SH3D19: variants seen among roughly 807,000 people sequenced by gnomAD.
The protein encoded by SH3D19 is SH3 domain containing 19, also known as SH3 domain-containing protein 19.
Under a neutral mutation model 112.1 loss-of-function variants are expected in SH3D19, and 58 were observed. The ratio of observed to expected loss-of-function variants is 0.52; its 90% CI spans 0.42 to 0.64. The LOEUF is 0.64. Ranked by LOEUF, SH3D19 falls within the 30% of genes least tolerant of loss-of-function variation. The probability of loss-of-function intolerance (pLI) is 0.00; values close to 1 mark genes in which losing one functional copy is unlikely to be tolerated. For missense variants in SH3D19, 1,090 were observed against 1,263.4 expected, an observed-to-expected ratio of 0.86 and a Z score of 2.08; for synonymous variants, 391 against 448.5, an observed-to-expected ratio of 0.87 and a Z score of 1.62.
intron 2 of SH3D19, among the ~76,000 whole-genome samples, chr4:151,203,041 G>A (rs1368159844): frequency 6.6e-6 from 1 of 152,148 alleles, no homozygotes; most frequent in Non-Finnish European, 1.5e-5. Context: ...AGACAAACGA[G>A]GAAAGAGAAA....
chr4:151,269,617 A>G (rs1240655221), intron 1 of SH3D19, among the ~76,000 whole-genome samples: 2 of 151,970 alleles, frequency 1.3e-5, no homozygotes, highest in Admixed American at 1.3e-4. Context: ...TGTATTTTTA[A>G]AAGTTTTCTT....
At chr4:151,210,396 T>C (rs1765774005) in intron 2 of SH3D19, among the ~76,000 whole-genome samples, 1 of 149,050 alleles carries the variant, frequency 6.7e-6, no homozygotes, top group South Asian at 2.1e-4. Flanking sequence ...ATATATATCA[T>C]CCCAATTTTT....
chr4:151,300,061 C>T lies in SH3D19; in HGVS notation c.112+25180G>A, dbSNP rs1728225602. On this transcript the variant is annotated intron_variant, in intron 1 of 19. Transcript: ENST00000604030. ...TACTAAAAATACAAAATTAGCCAGG[C>T]GTGGTGGTGCATGCCTGTAATCCCA... 4.6e-5 allele frequency among the ~76,000 whole-genome samples: 7 copies of T among 152,066 alleles called. No homozygotes were observed. The South Asian group carries it at 8.3e-4, about 18-fold the overall frequency.
intron 9 of SH3D19, among the ~76,000 whole-genome samples, chr4:151,150,290 TACATATATATATACACAC>T (rs1463558772): frequency 7.3e-6 from 1 of 137,334 alleles, no homozygotes; most frequent in Admixed American, 7.7e-5. Flanking sequence ...CACATATATA[TACATATATATATACACAC>T]ACATATATAT....
At chr4:151,216,062 C>T (rs997305009) in intron 2 of SH3D19, among the ~76,000 whole-genome samples, 5 of 152,160 alleles carry the variant, frequency 3.3e-5, no homozygotes, top group Non-Finnish European at 7.4e-5. Flanking sequence ...AACTCCTGAC[C>T]TCGTGATCTG....
intron 1 of SH3D19, among the ~76,000 whole-genome samples, chr4:151,315,290 G>C (rs1729881033): frequency 6.6e-6 from 1 of 152,076 alleles, no homozygotes. Flanking sequence ...GAATTGTCTC[G>C]GCACCCAGTG....
chr4:151,170,080 C>T (rs550189319), intron 7 of SH3D19, among the ~76,000 whole-genome samples: 4 of 152,192 alleles, frequency 2.6e-5, no homozygotes, highest in South Asian at 2.1e-4. Context: ...TAACAGGTAT[C>T]GTATGGTAAA....
At chr4:151,244,254 T>A (rs1003481414) in intron 1 of SH3D19, among the ~76,000 whole-genome samples, 1 of 152,066 alleles carries the variant, frequency 6.6e-6, no homozygotes, top group African/African-American at 2.4e-5. Flanking sequence ...CAACCCTGCT[T>A]AAGGGTTTTT....
At chr4:151,125,372 G>T (rs1386547915) in intron 19 of SH3D19, among the ~76,000 whole-genome samples, 2 of 151,568 alleles carry the variant, frequency 1.3e-5, no homozygotes, top group African/African-American at 4.9e-5. Flanking sequence ...CTGAGGGGTG[G>T]AGAATCGCTT....
intron 12 of SH3D19, among the ~76,000 whole-genome samples, chr4:151,142,263 T>C (rs1753137614): frequency 6.6e-6 from 1 of 152,220 alleles, no homozygotes; most frequent in Admixed American, 6.5e-5. Context: ...AAAATTTACC[T>C]ACTGAAAGTG....
intron 7 of SH3D19, among the ~76,000 whole-genome samples, chr4:151,166,494 C>T (rs1561266719): frequency 1.4e-5 from 2 of 142,148 alleles, no homozygotes; most frequent in Admixed American, 1.4e-4. Flanking sequence ...AATGACTATA[C>T]TTTTTTTTTT....
chr4:151,265,208 C>G (rs28532758), intron 1 of SH3D19, among the ~76,000 whole-genome samples: 66,370 of 151,880 alleles, frequency 0.44, 15,319 homozygotes, highest in Non-Finnish European at 0.52. Flanking sequence ...TTCTCAAAGG[C>G]ATACTGTTTA....
chr4:151,187,405 A>C lies in SH3D19; in HGVS notation c.193+18T>G. ...ATTATTACAGAGGAAAATACAGAGA[A>C]GGAAAAAACAAACTTACATCTCTTG... On this transcript the variant is annotated intron_variant, in intron 3 of 19. Coordinates refer to ENST00000604030, the MANE Select transcript of SH3D19 (RefSeq NM_001378122.1). The C allele has an allele frequency of 8.3e-7, 1 of 1,206,042 alleles. No homozygotes were observed. The highest frequency in any genetic ancestry group is 4.2e-5 in the South Asian group (1 of 23,852). 74.7% of individuals were successfully genotyped at this position (1,206,042 alleles called of 1,614,324 possible).
At chr4:151,307,269 G>A (rs1473714201) in intron 1 of SH3D19, among the ~76,000 whole-genome samples, 1 of 151,900 alleles carries the variant, frequency 6.6e-6, no homozygotes, top group Non-Finnish European at 1.5e-5. Context: ...TGATCCGCCC[G>A]CCTCGGCCTC....
chr4:151,124,593 C>T (rs1461315486), intron 19 of SH3D19, among the ~76,000 whole-genome samples: 1 of 152,000 alleles, frequency 6.6e-6, no homozygotes, highest in African/African-American at 2.4e-5. Flanking sequence ...TGGCATGCAC[C>T]TGTAGTCCCA....
At chr4:151,297,303 TTCCATCTCCATG>T (rs1158575182) in intron 1 of SH3D19, among the ~76,000 whole-genome samples, 1 of 152,242 alleles carries the variant, frequency 6.6e-6, no homozygotes, top group Non-Finnish European at 1.5e-5. Flanking sequence ...AGCCTTCACT[TTCCATCTCCATG>T]TAGTTGGATA....
At chr4:151,156,567 T>C (rs764053583) in intron 9 of SH3D19, among the ~76,000 whole-genome samples, 15 of 152,088 alleles carry the variant, frequency 9.9e-5, no homozygotes, top group Non-Finnish European at 1.5e-4. Context: ...AGAACAGTCA[T>C]TGGGGAAAGC....
chr4:151,301,095 T>C (rs1728369382), intron 1 of SH3D19, among the ~76,000 whole-genome samples: 1 of 152,226 alleles, frequency 6.6e-6, no homozygotes, highest in Non-Finnish European at 1.5e-5. Context: ...AAATCTCATG[T>C]CAAATTGTAA....
At chr4:151,324,508 TTTGA>T (rs1191643540) in intron 1 of SH3D19, among the ~76,000 whole-genome samples, 3 of 152,130 alleles carry the variant, frequency 2.0e-5, no homozygotes, top group Non-Finnish European at 4.4e-5. Context: ...CTCTATTATG[TTTGA>T]TTGAAAAGCC....
Sources: gnomAD v4.1 joint callset for allele counts (sites outside exome capture counted in the v4.1 genomes callset) on GRCh38, gnomAD v4.1.1 for gene constraint, MANE v1.5 for transcripts, NCBI Gene and HGNC (gene_info 2026-07-23, HGNC 2026-07-21) for gene names.